Variants in CCR8 observed in about 807,000 individuals in gnomAD.
The protein encoded by CCR8 is C-C motif chemokine receptor 8.
For missense variants in CCR8, 358 were observed against 417.5 expected (o/e 0.86, Z 1.24); for synonymous variants, 156 against 165.7 (o/e 0.94, Z 0.45).
intron 1 of CCR8, among the ~76,000 whole-genome samples, chr3:39,330,674 T>C (rs1176723999): frequency 1.3e-5 from 2 of 152,008 alleles, no homozygotes; most frequent in African/African-American, 4.8e-5. Context: ...TATAAAGTTA[T>C]TTTTTTTCTG....
At chr3:39,332,026 G>A (rs1034594067) in intron 1 of CCR8, among the ~76,000 whole-genome samples, 27 of 151,608 alleles carry the variant, frequency 1.8e-4, no homozygotes, top group African/African-American at 6.1e-4. Flanking sequence ...TCGCCATGTT[G>A]GCAAGGCTGG....
At position 39,333,619 on chromosome 3, in the gene CCR8, G is replaced by A. The variant is rs2041273855; in HGVS notation, c.*220G>A. 7.4e-6 allele frequency: 4 copies of A among 540,850 alleles called. No individual in the cohort carries two copies. Among genetic ancestry groups the A allele is most frequent in the South Asian group, 2.7e-5 (1 of 36,642 alleles). 33.5% of individuals were successfully genotyped at this position (540,850 alleles called of 1,614,324 possible). The stretch of plus-strand genomic sequence containing the variant: ...TGTTTATTGATGATGTTGAACAAGT[G>A]GTAACTTTAAAGGATTCTGTATGCC... On this transcript the variant is annotated 3_prime_UTR_variant, in exon 2 of 2. Coordinates refer to ENST00000326306, the MANE Select transcript of CCR8 (RefSeq NM_005201.4).
rs753186609 is a variant in CCR8, at chr3:39,332,984, A to G, written c.653A>G (p.Tyr218Cys). 2.9e-5 allele frequency: 47 copies of G among 1,614,086 alleles called. No homozygotes were observed. Among genetic ancestry groups the G allele is most frequent in the Non-Finnish European group, 3.9e-5 (46 of 1,180,026 alleles). ...LIPFTIFMFC[Y>C]IKILHQLKRC... ...CCATTCACCATCTTTATGTTCTGCT[A>G]CATTAAAATCCTGCACCAGCTGAAG... The change falls in exon 2 of 2, where the codon TAC (tyrosine) becomes TGC (cysteine). Residue 218 changes from tyrosine to cysteine, a missense_variant. By Grantham distance (194) the Tyr-to-Cys change is radical (BLOSUM62 -2). Coordinates refer to ENST00000326306, the MANE Select transcript of CCR8 (RefSeq NM_005201.4).
intron 1 of CCR8, among the ~76,000 whole-genome samples, chr3:39,331,412 T>G: frequency 6.6e-6 from 1 of 152,202 alleles, no homozygotes; most frequent in East Asian, 1.9e-4. Flanking sequence ...TCTCTTTCTC[T>G]TCTGTTAAGG....
rs754800684 is a variant in CCR8, at chr3:39,333,410, A to C, written c.*11A>C. Reference sequence around the variant, plus strand: ...GACTACATTTTGTGAGGATCAATGAAGACTAAATATAAAAAACATTTTCTT... The same window carrying C: ...GACTACATTTTGTGAGGATCAATGACGACTAAATATAAAAAACATTTTCTT... On this transcript the variant is annotated 3_prime_UTR_variant, in exon 2 of 2. Coordinates refer to ENST00000326306, the MANE Select transcript of CCR8 (RefSeq NM_005201.4). 6.3e-7 allele frequency: 1 copy of C among 1,583,124 alleles called. No homozygotes were observed. Among genetic ancestry groups the C allele is most frequent in the Non-Finnish European group, 8.6e-7 (1 of 1,162,518 alleles).
chr3:39,333,643 C>G lies in CCR8; in HGVS notation c.*244C>G, dbSNP rs2041274128. On this transcript the variant is annotated 3_prime_UTR_variant, in exon 2 of 2. Transcript: ENST00000326306. ...TGGTAACTTTAAAGGATTCTGTATG[C>G]CAAGTGAAAAAAAAAGATGTCTGAC... 2.1e-6 allele frequency: 1 copy of G among 475,950 alleles called. No individual in the cohort carries two copies. Among genetic ancestry groups the G allele is most frequent in the African/African-American group, 2.0e-5 (1 of 50,004 alleles). 29.5% of individuals were successfully genotyped at this position (475,950 alleles called of 1,614,324 possible).
chr3:39,331,217 A>G (rs1220775914), intron 1 of CCR8, among the ~76,000 whole-genome samples: 2 of 152,152 alleles, frequency 1.3e-5, no homozygotes, highest in African/African-American at 4.8e-5. Flanking sequence ...AATACAATAG[A>G]CTGAGTGGCT....
chr3:39,333,210 C>T lies in CCR8; in HGVS notation c.879C>T (p.Cys293=). The part of the protein sequence containing the change: ...HVTEIISFTH[C]CVNPVIYAFV... The stretch of plus-strand genomic sequence containing the variant: ...CAGAAATCATTTCCTTTACTCACTG[C>T]TGTGTGAACCCTGTTATCTATGCTT... Residue 293 remains cysteine (C), a synonymous_variant, in exon 2 of 2, where the codon TGC becomes TGT. Transcript: ENST00000326306. 1 of 1,614,132 alleles carries T rather than the reference C, an allele frequency of 6.2e-7. No individual in the cohort carries two copies. The highest frequency in any genetic ancestry group is 8.5e-7 in the Non-Finnish European group (1 of 1,180,008).
rs2041273842 is a variant in CCR8, at chr3:39,333,618, T to C, written c.*219T>C. On this transcript the variant is annotated 3_prime_UTR_variant, in exon 2 of 2. Transcript: ENST00000326306. ...GTGTTTATTGATGATGTTGAACAAGTGGTAACTTTAAAGGATTCTGTATGC... is the reference window on the plus strand; with the variant it reads ...GTGTTTATTGATGATGTTGAACAAGCGGTAACTTTAAAGGATTCTGTATGC... The C allele has an allele frequency of 1.8e-6, 1 of 550,390 alleles. No homozygotes were observed. Among genetic ancestry groups the C allele is most frequent in the Admixed American group, 3.6e-5 (1 of 28,052 alleles). The allele number at this position is 550,390 out of a possible 1,614,324, so 34.1% of individuals were successfully genotyped here.
At position 39,333,583 on chromosome 3, in the gene CCR8, G is replaced by A. The variant is rs2041273597; in HGVS notation, c.*184G>A. The A allele has an allele frequency of 1.7e-6, 1 of 594,642 alleles. No individual in the cohort carries two copies. Among genetic ancestry groups the A allele is most frequent in the South Asian group, 2.2e-5 (1 of 44,684 alleles). 36.8% of individuals were successfully genotyped at this position (594,642 alleles called of 1,614,324 possible). On this transcript the variant is annotated 3_prime_UTR_variant, in exon 2 of 2. Coordinates refer to ENST00000326306, the MANE Select transcript of CCR8 (RefSeq NM_005201.4). Reference sequence around the variant, plus strand: ...TTGTGCATGCCTGGCACAACATCAAGCCTGTGATTGTGTTTATTGATGATG... The same window carrying A: ...TTGTGCATGCCTGGCACAACATCAAACCTGTGATTGTGTTTATTGATGATG...
In CCR8 at chr3:39,333,653, A is replaced by G. The variant is rs2041274279; in HGVS notation, c.*254A>G. Reference sequence around the variant, plus strand: ...AAAGGATTCTGTATGCCAAGTGAAAAAAAAAGATGTCTGACCTCCTTACAT... The same window carrying G: ...AAAGGATTCTGTATGCCAAGTGAAAGAAAAAGATGTCTGACCTCCTTACAT... On this transcript the variant is annotated 3_prime_UTR_variant, in exon 2 of 2. Transcript: ENST00000326306. 2.1e-6 allele frequency: 1 copy of G among 472,068 alleles called. No individual in the cohort carries two copies. The highest frequency in any genetic ancestry group is 3.3e-5 in the South Asian group (1 of 30,282). 29.2% of individuals were successfully genotyped at this position (472,068 alleles called of 1,614,324 possible). A position where few individuals can be genotyped will look rare whatever the true frequency, so the allele number is the denominator to read the frequency against.
intron 1 of CCR8, among the ~76,000 whole-genome samples, chr3:39,331,817 T>G (rs1322064815): frequency 8.7e-6 from 1 of 114,296 alleles, no homozygotes; most frequent in East Asian, 2.8e-4. Context: ...TTTTTTAATT[T>G]TAATTTTTTT....
Position 39,332,723 on chromosome 3 carries a change from G to T in CCR8, c.392G>T (p.Arg131Met), listed in dbSNP as rs140376246. The T allele has an allele frequency of 6.9e-5, 111 of 1,614,168 alleles. No individual in the cohort carries two copies. The African/African-American group carries it at 1.3e-3, about 19-fold the overall frequency. ...MFFITLMSVD[R>M]YLAVVHAVYA... ...TTCATCACCCTCATGAGTGTGGACA[G>T]GTACCTGGCTGTTGTCCATGCCGTG... is the stretch of plus-strand genomic sequence containing the variant. The change falls in exon 2 of 2, where the codon AGG becomes ATG. Residue 131 changes from arginine (R) to methionine (M), a missense_variant. Coordinates refer to ENST00000326306, the MANE Select transcript of CCR8 (RefSeq NM_005201.4).
chr3:39,332,678 G>A lies in CCR8; in HGVS notation c.347G>A (p.Gly116Asp), dbSNP rs1180483160. The A allele has an allele frequency of 1.2e-6, 2 of 1,613,968 alleles. No individual in the cohort carries two copies. The highest frequency in any genetic ancestry group is 8.5e-7 in the Non-Finnish European group (1 of 1,180,012). ...GTGGTGTCTGGCTTTTATTACATTG[G>A]CTTCTACAGCAGCATGTTTTTCATC... The part of the protein sequence containing the change: ...CKVVSGFYYI[G>D]FYSSMFFITL... The change falls in exon 2 of 2, where the codon GGC becomes GAC. Residue 116 changes from glycine to aspartate, a missense_variant. Physicochemically the swap from Gly to Asp is moderately conservative, Grantham distance 94. Transcript: ENST00000326306.
At position 39,333,319 on chromosome 3, in the gene CCR8, A is replaced by T. The variant is rs1397947855; in HGVS notation, c.988A>T (p.Met330Leu). The stretch of plus-strand genomic sequence containing the variant: ...AATCTTCAACTACCTAGGAAGACAA[A>T]TGCCTAGGGAGAGCTGTGAAAAGTC... The part of the protein sequence containing the change: ...SQIFNYLGRQ[M>L]PRESCEKSSS... The change falls in exon 2 of 2, where the codon ATG becomes TTG. Residue 330 changes from methionine (M) to leucine (L), a missense_variant. Coordinates refer to ENST00000326306, the MANE Select transcript of CCR8 (RefSeq NM_005201.4). The T allele has an allele frequency of 4.3e-6, 7 of 1,613,906 alleles. No homozygotes were observed. The highest frequency in any genetic ancestry group is 1.7e-5 in the Admixed American group (1 of 59,982).
chr3:39,332,593 T>C lies in CCR8; in HGVS notation c.262T>C (p.Phe88Leu). The stretch of plus-strand genomic sequence containing the variant: ...GTCTGACCTGCTTTTTGTCTTCTCC[T>C]TCCCCTTTCAGACCTACTATCTGCT... ...ALSDLLFVFS[F>L]PFQTYYLLDQ... is the part of the protein sequence containing the mutation. Residue 88 changes from phenylalanine to leucine, a missense_variant, in exon 2 of 2, where the codon TTC becomes CTC. By Grantham distance (22) the Phe-to-Leu change is conservative. Coordinates refer to ENST00000326306, the MANE Select transcript of CCR8 (RefSeq NM_005201.4). 6.2e-7 allele frequency: 1 copy of C among 1,614,166 alleles called. No homozygotes were observed. Among genetic ancestry groups the C allele is most frequent in the Non-Finnish European group, 8.5e-7 (1 of 1,180,016 alleles).
At position 39,332,764 on chromosome 3, in the gene CCR8, A is replaced by T. The variant is rs2041266401; in HGVS notation, c.433A>T (p.Arg145Trp). The change falls in exon 2 of 2, where the codon AGG becomes TGG. Residue 145 changes from arginine (R) to tryptophan (W), a missense_variant. Transcript: ENST00000326306. Reference sequence around the variant, plus strand: ...CCATGCCGTGTATGCCCTAAAGGTGAGGACGATCAGGATGGGCACAACGCT... The same window carrying T: ...CCATGCCGTGTATGCCCTAAAGGTGTGGACGATCAGGATGGGCACAACGCT... ...VVHAVYALKV[R>W]TIRMGTTLCL... is the part of the protein sequence containing the mutation. 6.2e-7 allele frequency: 1 copy of T among 1,614,180 alleles called. No individual in the cohort carries two copies. Among genetic ancestry groups the T allele is most frequent in the Non-Finnish European group, 8.5e-7 (1 of 1,180,018 alleles).
intron 1 of CCR8, 71 bp from the exon 2 acceptor site, chr3:39,332,247 C>T: frequency 1.1e-6 from 1 of 896,020 alleles, no homozygotes; most frequent in South Asian, 1.6e-5. Flanking sequence ...CAGTCCATAA[C>T]ATCCCCCTAA....
At position 39,332,411 on chromosome 3, in the gene CCR8, C is replaced by G. The variant is rs2853699; in HGVS notation, c.80C>G (p.Ala27Gly). 0.27 allele frequency: 433,398 copies of G among 1,613,350 alleles called. 63,851 individuals carry two copies. Among genetic ancestry groups the G allele is most frequent in the Non-Finnish European group, 0.31 (362,901 of 1,179,384 alleles). Residue 27 changes from alanine to glycine, a missense_variant, in exon 2 of 2, where the codon GCG (alanine) becomes GGG (glycine). Transcript: ENST00000326306. ...YPDIFSSPCDAELIQTNGKLL... is the reference protein window; with the variant it reads ...YPDIFSSPCDGELIQTNGKLL... ...GATATCTTCTCAAGCCCCTGTGATG[C>G]GGAACTTATTCAGACAAATGGCAAG... is the stretch of plus-strand genomic sequence containing the variant.
Sources: allele counts gnomAD v4.1 joint callset (sites outside exome capture counted in the v4.1 genomes callset), GRCh38; gene constraint gnomAD v4.1.1; transcripts MANE v1.5; gene names NCBI Gene and HGNC (gene_info 2026-07-23, HGNC 2026-07-21).